LARGE1: variants seen among roughly 807,000 people sequenced by gnomAD.
LARGE1 encodes the protein xylosyl- and glucuronyltransferase LARGE1.
A neutral mutation model predicts 87.6 loss-of-function variants in LARGE1; 43 were observed. That is an observed-to-expected ratio of 0.49 (90% CI 0.38 to 0.63). The LOEUF (loss-of-function observed/expected upper bound fraction) is 0.63, where lower values mean the gene tolerates loss of function less well. LARGE1 is among the 30% of genes least tolerant of loss of function. LARGE1 has a pLI of 0.00. For missense variants in LARGE1, 802 were observed against 1,000.2 expected (o/e 0.80, Z 2.67); for synonymous variants, 434 against 394.6 (o/e 1.10, Z -1.18).
chr22:33,200,719 T>C (rs1049236343), intron 11 of LARGE1, among the ~76,000 whole-genome samples: 1 of 152,212 alleles, frequency 6.6e-6, no homozygotes, highest in African/African-American at 2.4e-5. Flanking sequence ...ATGCCACAGA[T>C]GTTGTGATTC....
At chr22:33,737,053 G>A (rs951922740) in intron 2 of LARGE1, among the ~76,000 whole-genome samples, 1 of 152,130 alleles carries the variant, frequency 6.6e-6, no homozygotes, top group Non-Finnish European at 1.5e-5. Flanking sequence ...GGTCAGAAGG[G>A]ATCCTCCCCT....
At chr22:33,088,936 C>T in the LARGE1 span, among the ~76,000 whole-genome samples, 2 of 152,010 alleles carry the variant, frequency 1.3e-5, no homozygotes, top group Admixed American at 6.6e-5. Context: ...GTGCCTGGTA[C>T]ATATTCAGTT....
intron 2 of LARGE1, among the ~76,000 whole-genome samples, chr22:33,729,610 T>C (rs1013495639): frequency 2.0e-5 from 3 of 152,228 alleles, no homozygotes; most frequent in African/African-American, 4.8e-5. Context: ...TTACTTCCAC[T>C]GAAAATGCCA....
chr22:33,708,884 C>T (rs532018709), intron 2 of LARGE1, among the ~76,000 whole-genome samples: 1 of 152,280 alleles, frequency 6.6e-6, no homozygotes, highest in East Asian at 1.9e-4. Context: ...CAGGCGCGAG[C>T]CATCACCCCC....
At position 33,734,363 on chromosome 22, in the gene LARGE1, G is replaced by A. The variant is rs547929497; in HGVS notation, c.106+27008C>T. 5.3e-5 allele frequency among the ~76,000 whole-genome samples: 8 copies of A among 152,252 alleles called. No homozygotes were observed. The South Asian group carries it at 1.0e-3, about 20-fold the overall frequency. On this transcript the variant is annotated intron_variant, in intron 2 of 14. Coordinates refer to ENST00000397394, the MANE Select transcript of LARGE1 (RefSeq NM_133642.5). ...CGAACATGAGCTTGCCTACAAGGAC[G>A]GCAGAAGAGGGTACTGATGTGGTCA... is the stretch of plus-strand genomic sequence containing the variant.
chr22:33,089,356 TCTTCTTCTTCTTCTC>T, the LARGE1 span, among the ~76,000 whole-genome samples: 1,476 of 88,956 alleles, frequency 0.017, 32 homozygotes, highest in African/African-American at 0.054. Flanking sequence ...TTCTTCTTCT[TCTTCTTCTTCTTCTC>T]CTTCTTCTTC....
chr22:33,407,815 C>G lies in LARGE1; in HGVS notation c.893-23511G>C, dbSNP rs1297398135. On this transcript the variant is annotated intron_variant, in intron 7 of 14. Transcript: ENST00000397394. ...GGAAGCGAAAAGGACTCTGTTGCAACTACTTAATTTCTGTCTTTGCAGCCT... is the reference window on the plus strand; with the variant it reads ...GGAAGCGAAAAGGACTCTGTTGCAAGTACTTAATTTCTGTCTTTGCAGCCT... Among the ~76,000 whole-genome samples the G allele has an allele frequency of 2.0e-5, 3 of 152,112 alleles. No homozygotes were observed. In the South Asian group the frequency reaches 6.2e-4, roughly 32 times the overall value.
At chr22:33,430,234 G>A (rs931496525) in intron 7 of LARGE1, among the ~76,000 whole-genome samples, 1 of 152,180 alleles carries the variant, frequency 6.6e-6, no homozygotes, top group East Asian at 1.9e-4. Flanking sequence ...TATAGGCATG[G>A]CACCTGCCTC....
the LARGE1 span, among the ~76,000 whole-genome samples, chr22:33,145,516 A>G: frequency 6.6e-6 from 1 of 152,238 alleles, no homozygotes; most frequent in Non-Finnish European, 1.5e-5. Context: ...AAGGAGACCA[A>G]GGACAGCCAT....
At chr22:33,135,456 T>G in the LARGE1 span, among the ~76,000 whole-genome samples, 1 of 152,228 alleles carries the variant, frequency 6.6e-6, no homozygotes, top group African/African-American at 2.4e-5. Context: ...CATTTTAGAT[T>G]AATTGAAGTT....
Position 33,399,660 on chromosome 22 carries a change from T to C in LARGE1, c.893-15356A>G, listed in dbSNP as rs143570207. Among the ~76,000 whole-genome samples the C allele has an allele frequency of 5.6e-4, 86 of 152,312 alleles. No homozygotes were observed. The East Asian group carries it at 0.015, about 26-fold the overall frequency. The stretch of plus-strand genomic sequence containing the variant: ...ACCTCCCGGGTTCACACCATTCTCC[T>C]GCCTCAGCCTCCTGAGTAGCTGGGA... On this transcript the variant is annotated intron_variant, in intron 7 of 14. Transcript: ENST00000397394.
chr22:33,803,785 C>A (rs2086232864), intron 1 of LARGE1, among the ~76,000 whole-genome samples: 2 of 152,204 alleles, frequency 1.3e-5, no homozygotes, highest in Admixed American at 1.3e-4. Context: ...AGGTTCCGTG[C>A]CTAGGGTTTT....
chr22:33,870,532 C>A (rs1377496384), intron 1 of LARGE1, among the ~76,000 whole-genome samples: 1 of 149,632 alleles, frequency 6.7e-6, no homozygotes, highest in African/African-American at 2.5e-5. Flanking sequence ...CAACCCTAAC[C>A]CCACAACATC....
chr22:33,409,096 T>C (rs2066213167), intron 7 of LARGE1, among the ~76,000 whole-genome samples: 1 of 152,214 alleles, frequency 6.6e-6, no homozygotes, highest in Non-Finnish European at 1.5e-5. Flanking sequence ...TTCCCTTCAC[T>C]TGGAGCAGTC....
At chr22:33,543,838 G>A (rs1369760581) in intron 6 of LARGE1, among the ~76,000 whole-genome samples, 2 of 152,210 alleles carry the variant, frequency 1.3e-5, no homozygotes, top group African/African-American at 2.4e-5. Flanking sequence ...TCCTTAGAAC[G>A]ATGAACTGCT....
At chr22:33,085,709 T>C in the LARGE1 span, among the ~76,000 whole-genome samples, 1 of 152,228 alleles carries the variant, frequency 6.6e-6, no homozygotes, top group Admixed American at 6.5e-5. Context: ...TATTGTTGAT[T>C]TGTATAATGA....
chr22:33,289,121 G>C (rs1932077127), intron 12 of LARGE1, among the ~76,000 whole-genome samples: 1 of 152,024 alleles, frequency 6.6e-6, no homozygotes, highest in Non-Finnish European at 1.5e-5. Context: ...ACCACACCCA[G>C]CTAATTTTTT....
At chr22:33,914,658 A>G (rs962611022) in intron 1 of LARGE1, among the ~76,000 whole-genome samples, 1 of 152,200 alleles carries the variant, frequency 6.6e-6, no homozygotes, top group African/African-American at 2.4e-5. Flanking sequence ...GCAGTGCTTT[A>G]TATTTCAAGG....
intron 9 of LARGE1, among the ~76,000 whole-genome samples, chr22:33,347,216 T>G (rs985026341): frequency 6.6e-6 from 1 of 152,254 alleles, no homozygotes; most frequent in African/African-American, 2.4e-5. Context: ...TACAGGCTCT[T>G]GCAGGTAGCT....
Sources: allele counts gnomAD v4.1 joint callset (sites outside exome capture counted in the v4.1 genomes callset), GRCh38; gene constraint gnomAD v4.1.1; transcripts MANE v1.5; gene names NCBI Gene and HGNC (gene_info 2026-07-23, HGNC 2026-07-21).